Variants in NF1 observed in about 807,000 individuals in gnomAD.
The protein encoded by NF1 is neurofibromin.
NF1 carries 122 observed loss-of-function variants against 325.7 expected under a neutral mutation model. The observed-to-expected ratio is 0.37, with a 90% CI of 0.32 to 0.44. NF1 has a LOEUF of 0.44. Among genes scored for constraint, NF1 ranks in the 20% least tolerant of loss-of-function variants. NF1 has a pLI of 1.00. For missense variants in NF1, 2,140 were observed against 3,415.4 expected, an observed-to-expected ratio of 0.63 and a Z score of 9.31; for synonymous variants, 1,091 against 1,186.0, an observed-to-expected ratio of 0.92 and a Z score of 1.65.
chr17:31,263,135 A>AAGATAAGATAAGATAAGATAAGAT, intron 35 of NF1, among the ~76,000 whole-genome samples: 1 of 151,922 alleles, frequency 6.6e-6, no homozygotes, highest in African/African-American at 2.4e-5. Flanking sequence ...AAGATAAGAT[A>AAGATAAGATAAGATAAGATAAGAT]AGATAAGATA....
chr17:31,107,854 C>G (rs922772214), intron 1 of NF1, among the ~76,000 whole-genome samples: 1 of 152,070 alleles, frequency 6.6e-6, no homozygotes, highest in East Asian at 1.9e-4. Context: ...AAATGCTGAG[C>G]TTGCTGGACA....
intron 5 of NF1, among the ~76,000 whole-genome samples, chr17:31,170,388 T>C (rs897183738): frequency 6.6e-6 from 1 of 152,234 alleles, no homozygotes; most frequent in Non-Finnish European, 1.5e-5. Flanking sequence ...AAAGTTTTAT[T>C]GCAGAATGGA....
At chr17:31,308,334 T>C (rs1287126496) in intron 36 of NF1, among the ~76,000 whole-genome samples, 2 of 151,914 alleles carry the variant, frequency 1.3e-5, no homozygotes, top group African/African-American at 4.8e-5. Flanking sequence ...AGAGACAGGG[T>C]TTCACCATGT....
intron 56 of NF1, 26 bp downstream of exon 56, chr17:31,359,041 T>C: frequency 1.9e-6 from 3 of 1,608,624 alleles, no homozygotes; most frequent in Non-Finnish European, 2.6e-6. Context: ...TTTCTCTAAC[T>C]TTTGGCAAAA....
At position 31,182,524 on chromosome 17, in the gene NF1, A is replaced by C. The variant is rs761964963; in HGVS notation, c.747A>C (p.Leu249=). 1 of 1,614,086 alleles carries C rather than the reference A, an allele frequency of 6.2e-7. No individual in the cohort carries two copies. The highest frequency in any genetic ancestry group is 8.5e-7 in the Non-Finnish European group (1 of 1,179,940). ...QTDMAECAEK[L]FDLVDGFAES... is the part of the protein sequence containing the mutation. The stretch of plus-strand genomic sequence containing the variant: ...TTCATGCAGAATGTGCAGAAAAGCT[A>C]TTTGACTTGGTGGATGGTTTTGCTG... The change falls in exon 8 of 58, where the codon CTA becomes CTC. Residue 249 remains leucine (L), a synonymous_variant. Transcript: ENST00000358273.
chr17:31,206,097 A>T (rs1473781934), intron 11 of NF1, 143 bp from the exon 12 acceptor site: 3 of 824,360 alleles, frequency 3.6e-6, no homozygotes, highest in Non-Finnish European at 6.2e-6. Context: ...TTGTTTGAAG[A>T]CTTTGGAAAT....
intron 5 of NF1, among the ~76,000 whole-genome samples, chr17:31,180,175 C>G (rs1230768940): frequency 6.6e-6 from 1 of 152,128 alleles, no homozygotes; most frequent in African/African-American, 2.4e-5. Context: ...AGAGGAGGAG[C>G]TGGTACCATT....
Position 31,229,248 on chromosome 17 carries a change from T to C in NF1, c.2633T>C (p.Ile878Thr), listed in dbSNP as rs372049168. 30 of 1,612,684 alleles carry C rather than the reference T, an allele frequency of 1.9e-5. No individual in the cohort carries two copies. The highest frequency in any genetic ancestry group is 2.5e-5 in the Non-Finnish European group (29 of 1,179,830). ...GPVSERKGSM[I>T]SVMSSEGNAD... ...GTCAGTGAACGTAAGGGTTCTATGATTTCAGTGATGTCTTCAGAGGGAAAC... is the reference window on the plus strand; with the variant it reads ...GTCAGTGAACGTAAGGGTTCTATGACTTCAGTGATGTCTTCAGAGGGAAAC... The change falls in exon 21 of 58, where the codon ATT (isoleucine) becomes ACT (threonine). Residue 878 changes from isoleucine to threonine, a missense_variant. By Grantham distance (89) the Ile-to-Thr change is moderately conservative. Transcript: ENST00000358273.
Position 31,095,256 on chromosome 17 carries a change from G to A in NF1, c.-54G>A, listed in dbSNP as rs2143142955. On this transcript the variant is annotated 5_prime_UTR_variant, in exon 1 of 58. Coordinates refer to ENST00000358273, the MANE Select transcript of NF1 (RefSeq NM_001042492.3). ...GCCTCCGCTCCCCGCCCTCTTCCCGGCCCAGGGCGCCGGCCCACCCTTCCC... is the reference window on the plus strand; with the variant it reads ...GCCTCCGCTCCCCGCCCTCTTCCCGACCCAGGGCGCCGGCCCACCCTTCCC... 6.6e-7 allele frequency: 1 copy of A among 1,512,054 alleles called. No individual in the cohort carries two copies. Among genetic ancestry groups the A allele is most frequent in the Non-Finnish European group, 8.9e-7 (1 of 1,126,914 alleles). 93.7% of individuals were successfully genotyped at this position (1,512,054 alleles called of 1,614,324 possible).
intron 1 of NF1, among the ~76,000 whole-genome samples, chr17:31,145,592 T>C (rs1214734344): frequency 2.6e-5 from 4 of 152,138 alleles, no homozygotes; most frequent in African/African-American, 9.7e-5. Context: ...CTTGGTTACT[T>C]AGAACTCCTT....
chr17:31,258,520 T>C lies in NF1; in HGVS notation c.4332+18T>C, dbSNP rs1482009295. On this transcript the variant is annotated intron_variant, in intron 32 of 57. Coordinates refer to ENST00000358273, the MANE Select transcript of NF1 (RefSeq NM_001042492.3). The stretch of plus-strand genomic sequence containing the variant: ...TGTCAAAGGTGAATTATTTTGATAA[T>C]CTAGCTATCTTAAATTCCCCTTCCA... 1 of 1,612,478 alleles carries C rather than the reference T, an allele frequency of 6.2e-7. No individual in the cohort carries two copies. Among genetic ancestry groups the C allele is most frequent in the Non-Finnish European group, 8.5e-7 (1 of 1,179,450 alleles).
At chr17:31,259,247 C>G in intron 33 of NF1, 118 bp downstream of exon 33, 1 of 684,658 alleles carries the variant, frequency 1.5e-6, no homozygotes, top group South Asian at 1.6e-5. Context: ...TTTTCCTGCT[C>G]TAGGTCAAGA....
At chr17:31,240,124 A>C (rs1290658457) in intron 29 of NF1, among the ~76,000 whole-genome samples, 1 of 152,182 alleles carries the variant, frequency 6.6e-6, no homozygotes, top group East Asian at 1.9e-4. Context: ...TTAAATGTAC[A>C]ATAAGTTCTT....
rs778056258 is a variant in NF1, at chr17:31,258,456, A to G, written c.4286A>G (p.Lys1429Arg). The G allele has an allele frequency of 3.1e-6, 5 of 1,613,990 alleles. No homozygotes were observed. The Admixed American group carries it at 8.3e-5, about 27-fold the overall frequency. The change falls in exon 32 of 58, where the codon AAA becomes AGA. Residue 1429 changes from lysine (K) to arginine (R), a missense_variant. Physicochemically the swap from Lys to Arg is conservative, Grantham distance 26. This residue lies in a region of NF1 where 336 missense variants were observed against 399.0 expected (regional missense o/e 0.84). Transcript: ENST00000358273. ...CCGTATGAAGCAGGGATTTTAGATAAAAAGCCACCACCTAGAATCGAAAGG... is the reference window on the plus strand; with the variant it reads ...CCGTATGAAGCAGGGATTTTAGATAGAAAGCCACCACCTAGAATCGAAAGG... The part of the protein sequence containing the change: ...VSPYEAGILD[K>R]KPPPRIERGL...
intron 5 of NF1, among the ~76,000 whole-genome samples, chr17:31,173,597 TAA>T (rs61130426): frequency 0.022 from 3,043 of 140,114 alleles, 90 homozygotes; most frequent in African/African-American, 0.069. Flanking sequence ...AAACTCCATC[TAA>T]AAAAAAAAAA....
chr17:31,224,938 C>G, intron 16 of NF1, 157 bp from the exon 17 acceptor site: 2 of 714,534 alleles, frequency 2.8e-6, no homozygotes, highest in Non-Finnish European at 4.8e-6. Flanking sequence ...CTTGTTTGTT[C>G]TAATGGGTTT....
At position 31,150,941 on chromosome 17, in the gene NF1, A is replaced by G. The variant is rs538535793; in HGVS notation, c.61-5042A>G. ...TCCCAGCTACTAGGGAGGCTGAGGC[A>G]GGGGAATCGCTTCAACCTTGGAAGC... is the stretch of plus-strand genomic sequence containing the variant. On this transcript the variant is annotated intron_variant, in intron 1 of 57. Coordinates refer to ENST00000358273, the MANE Select transcript of NF1 (RefSeq NM_001042492.3). Among the ~76,000 whole-genome samples, 5 of 152,126 alleles carry G rather than the reference A, an allele frequency of 3.3e-5. No homozygotes were observed. In the East Asian group the frequency reaches 9.7e-4, roughly 29 times the overall value.
intron 36 of NF1, among the ~76,000 whole-genome samples, chr17:31,319,973 T>C (rs545429062): frequency 2.0e-5 from 3 of 152,100 alleles, no homozygotes; most frequent in East Asian, 3.9e-4. Flanking sequence ...TAATTGAAAA[T>C]GTTGAATTTC....
intron 1 of NF1, among the ~76,000 whole-genome samples, chr17:31,145,440 C>T: frequency 6.6e-6 from 1 of 152,158 alleles, no homozygotes; most frequent in East Asian, 1.9e-4. Flanking sequence ...GATCCGCCCG[C>T]CTCAGCCTCC....
Sources: allele counts gnomAD v4.1 joint callset (sites outside exome capture counted in the v4.1 genomes callset), GRCh38; gene constraint gnomAD v4.1.1; regional missense constraint gnomAD v4.1.1; transcripts MANE v1.5; gene names NCBI Gene and HGNC (gene_info 2026-07-23, HGNC 2026-07-21).